Variants in HOMER2 observed in about 807,000 individuals in gnomAD.
HOMER2 encodes homer protein homolog 2.
HOMER2 carries 27 observed loss-of-function variants against 47.0 expected under a neutral mutation model. That is an observed-to-expected ratio of 0.57 (90% confidence interval 0.42 to 0.79). The LOEUF is 0.79. HOMER2 is among the 30% of genes least tolerant of loss of function. HOMER2 has a pLI of 0.00. For synonymous variants in HOMER2, 161 were observed against 163.8 expected (o/e 0.98, Z 0.13); for missense variants, 443 against 435.0 (o/e 1.02, Z -0.16).
intron 3 of HOMER2, among the ~76,000 whole-genome samples, chr15:82,872,045 C>A (rs941998056): frequency 1.3e-5 from 2 of 152,070 alleles, no homozygotes; most frequent in African/African-American, 2.4e-5. Context: ...CCAGGGATCA[C>A]GTCTTGGACA....
At position 82,950,191 on chromosome 15, in the gene HOMER2, G is replaced by A. The variant is rs77838629; in HGVS notation, c.5+2340C>T. ...AGCCACGGGGTGTGCCTAGGAAGGG[G>A]AGAGGTCTGGAAAGGGGAATAGGTA... On this transcript the variant is annotated intron_variant, in intron 1 of 8. Transcript: ENST00000450735. 4.2e-3 allele frequency among the ~76,000 whole-genome samples: 645 copies of A among 152,286 alleles called. 18 individuals are homozygous for A. Among genetic ancestry groups the A allele is most frequent in the Admixed American group, 0.034 (517 of 15,288 alleles).
intron 3 of HOMER2, among the ~76,000 whole-genome samples, chr15:82,868,176 G>C (rs1358774147): frequency 6.6e-6 from 1 of 151,822 alleles, no homozygotes; most frequent in Non-Finnish European, 1.5e-5. Flanking sequence ...CTTTTTAATG[G>C]TTTTTTTATT....
At chr15:82,854,851 G>C (rs74551214) in intron 5 of HOMER2, 51 bp from the exon 6 acceptor site, 1 of 1,569,526 alleles carries the variant, frequency 6.4e-7, no homozygotes, top group Non-Finnish European at 8.6e-7. Context: ...GTCCCGTCTG[G>C]CTCCGCCCGC....
chr15:82,948,254 G>A (rs952645903), intron 1 of HOMER2, among the ~76,000 whole-genome samples: 3 of 152,176 alleles, frequency 2.0e-5, no homozygotes, highest in Non-Finnish European at 1.5e-5. Flanking sequence ...AGCTGGGCGT[G>A]GTGGCGGGCG....
intron 1 of HOMER2, among the ~76,000 whole-genome samples, chr15:82,946,469 T>C (rs2054384720): frequency 6.6e-6 from 1 of 152,198 alleles, no homozygotes; most frequent in Non-Finnish European, 1.5e-5. Context: ...AAGCCAGGCA[T>C]GCCCCTGCCT....
chr15:82,936,429 T>C (rs1385192494), intron 1 of HOMER2, among the ~76,000 whole-genome samples: 1 of 152,230 alleles, frequency 6.6e-6, no homozygotes, highest in African/African-American at 2.4e-5. Context: ...AGGGATGGTG[T>C]CTGTTTTGCT....
chr15:82,931,359 G>C (rs890530954), intron 1 of HOMER2, among the ~76,000 whole-genome samples: 1 of 152,132 alleles, frequency 6.6e-6, no homozygotes, highest in African/African-American at 2.4e-5. Context: ...TAAGGCATGA[G>C]GCATTGTTTC....
chr15:82,924,227 C>A (rs559338294), intron 1 of HOMER2, among the ~76,000 whole-genome samples: 1 of 152,230 alleles, frequency 6.6e-6, no homozygotes, highest in South Asian at 2.1e-4. Context: ...GGGTTAAGAT[C>A]AATCAGATGT....
At chr15:82,956,057 T>C (rs553515552), upstream of HOMER2, among the ~76,000 whole-genome samples, 8 of 152,006 alleles carry the variant, frequency 5.3e-5, no homozygotes, top group Non-Finnish European at 1.0e-4. Context: ...CTGGCCAACA[T>C]GGCAAAACCC....
At chr15:82,850,072 C>G (rs561971030) in intron 8 of HOMER2, among the ~76,000 whole-genome samples, 169 bp from the exon 9 acceptor site, 1 of 152,236 alleles carries the variant, frequency 6.6e-6, no homozygotes, top group South Asian at 2.1e-4. Flanking sequence ...ACCAAGACAT[C>G]AGAAGGGAAG....
chr15:82,869,448 A>ACCT (rs2052104572), intron 3 of HOMER2, among the ~76,000 whole-genome samples: 1 of 86,512 alleles, frequency 1.2e-5, no homozygotes, highest in African/African-American at 5.3e-5. Flanking sequence ...TCTACTAAAC[A>ACCT]TCTTTTTTTT....
chr15:82,961,829 T>C (rs1014778190), intron 1 of HOMER2, among the ~76,000 whole-genome samples: 1 of 152,118 alleles, frequency 6.6e-6, no homozygotes, highest in African/African-American at 2.4e-5. Flanking sequence ...AGAGGCGTGA[T>C]CTTGGCTCAC....
chr15:82,904,727 G>A (rs1302780027), intron 1 of HOMER2, among the ~76,000 whole-genome samples: 3 of 152,028 alleles, frequency 2.0e-5, no homozygotes, highest in South Asian at 2.1e-4. Flanking sequence ...CACAGTCCAG[G>A]TGCACAAACT....
At chr15:82,878,766 T>A (rs530553090) in intron 2 of HOMER2, among the ~76,000 whole-genome samples, 1 of 152,314 alleles carries the variant, frequency 6.6e-6, no homozygotes, top group East Asian at 1.9e-4. Context: ...TAGCTGGGAT[T>A]ACAGGTGTGC....
chr15:82,908,117 G>A (rs565644027), intron 1 of HOMER2, among the ~76,000 whole-genome samples: 21 of 144,972 alleles, frequency 1.4e-4, no homozygotes, highest in Non-Finnish European at 3.1e-4. Flanking sequence ...AGAGGAAATT[G>A]GGAGTGACTG....
At chr15:82,914,178 TACACACACACACACACACACACACAC>T (rs58323062) in intron 1 of HOMER2, among the ~76,000 whole-genome samples, 13 of 116,808 alleles carry the variant, frequency 1.1e-4, no homozygotes, top group Middle Eastern at 4.3e-3. Flanking sequence ...CTACTAAAAA[TACACACACACACACACACACACACAC>T]ACACACACAC....
intron 1 of HOMER2, among the ~76,000 whole-genome samples, chr15:82,928,940 T>TGAAAAAAAA (rs2053925309): frequency 2.5e-5 from 1 of 39,942 alleles, no homozygotes; most frequent in African/African-American, 1.5e-4. Context: ...AAATAAAAAC[T>TGAAAAAAAA]AAAAAAAAAA....
At chr15:82,962,344 G>C (rs1438012722) in intron 1 of HOMER2, among the ~76,000 whole-genome samples, 6 of 124,942 alleles carry the variant, frequency 4.8e-5, no homozygotes, top group Admixed American at 8.9e-5. Context: ...CAGCCTGGGC[G>C]ACAGAGCGAG....
chr15:82,892,612 G>A (rs1031978459), intron 2 of HOMER2, 73 bp downstream of exon 2: 5 of 1,191,402 alleles, frequency 4.2e-6, no homozygotes, highest in East Asian at 4.9e-5. Context: ...GTGTTAAGAC[G>A]GCAGGATTTT....
Sources: allele counts gnomAD v4.1 joint callset (sites outside exome capture counted in the v4.1 genomes callset), GRCh38; gene constraint gnomAD v4.1.1; transcripts MANE v1.5; gene names NCBI Gene and HGNC (gene_info 2026-07-23, HGNC 2026-07-21).